Variants in ABR observed in about 807,000 individuals in gnomAD.
The protein encoded by ABR is active breakpoint cluster region-related protein.
ABR carries 35 observed loss-of-function variants against 107.2 expected under a neutral mutation model. The observed-to-expected ratio is 0.33, with a 90% CI of 0.25 to 0.43. The LOEUF is 0.43. ABR is among the 20% of genes least tolerant of loss of function. The probability of loss-of-function intolerance (pLI) is 1.00; values close to 1 mark genes in which losing one functional copy is unlikely to be tolerated. For synonymous variants in ABR, 498 were observed against 462.0 expected (o/e 1.08, Z -1.00); for missense variants, 815 against 1,115.2 (o/e 0.73, Z 3.83).
At chr17:1,012,039 T>C in intron 18 of ABR, 54 bp from the exon 19 acceptor site, 1 of 1,606,206 alleles carries the variant, frequency 6.2e-7, no homozygotes. Context: ...AGCTCTCCCG[T>C]AGCAACCCCC....
chr17:1,128,545 G>T (rs578152318), intron 1 of ABR, among the ~76,000 whole-genome samples: 174 of 152,360 alleles, frequency 1.1e-3, no homozygotes, highest in African/African-American at 4.1e-3. Flanking sequence ...GATATGTGTG[G>T]AACTTGCAGG....
At chr17:1,012,875 C>T in intron 17 of ABR, 78 bp from the exon 18 acceptor site, 1 of 1,256,296 alleles carries the variant, frequency 8.0e-7, no homozygotes. Context: ...CAGGGGTCCC[C>T]TCCCCAAGAC....
Position 1,007,224 on chromosome 17 carries a change from C to G in ABR, c.2431G>C (p.Glu811Gln). The G allele has an allele frequency of 6.2e-7, 1 of 1,614,110 alleles. No individual in the cohort carries two copies. Among genetic ancestry groups the G allele is most frequent in the Middle Eastern group, 1.7e-4 (1 of 6,058 alleles). The change falls in exon 22 of 23, where the codon GAG becomes CAG. Residue 811 changes from glutamate to glutamine, a missense_variant. Physicochemically the swap from Glu to Gln is conservative, Grantham distance 29. Coordinates refer to ENST00000302538, the MANE Select transcript of ABR (RefSeq NM_021962.5). ...GCCGAGGTGAGGTGTGCTTTGCTCTCCACTTCTGAGGGTCTCAGTAACGTG... is the reference window on the plus strand; with the variant it reads ...GCCGAGGTGAGGTGTGCTTTGCTCTGCACTTCTGAGGGTCTCAGTAACGTG... ...GPTLLRPSEVESKAHLTSAAD... is the reference protein window; with the variant it reads ...GPTLLRPSEVQSKAHLTSAAD...
intron 10 of ABR, among the ~76,000 whole-genome samples, chr17:1,061,388 T>G (rs1466679509): frequency 6.6e-6 from 1 of 152,192 alleles, no homozygotes; most frequent in East Asian, 1.9e-4. Flanking sequence ...GTACCACCAG[T>G]TGGACCCTCT....
intron 2 of ABR, among the ~76,000 whole-genome samples, chr17:1,106,292 G>A (rs2038240385): frequency 2.0e-5 from 3 of 152,122 alleles, no homozygotes; most frequent in Admixed American, 6.6e-5. Context: ...GCTGCTTAAG[G>A]TAAGTACCCC....
At chr17:1,074,291 C>A (rs1223116606) in intron 6 of ABR, among the ~76,000 whole-genome samples, 3 of 150,160 alleles carry the variant, frequency 2.0e-5, no homozygotes, top group African/African-American at 7.4e-5. Context: ...CAGAATCACA[C>A]AGCTCCACCC....
chr17:1,006,175 G>C lies in ABR; in HGVS notation c.2491-6C>G. ...TAGTAGAGGAGGACCTGGACCTGTGGGGAGACAGGAAGGCGGAGGCTGGGC... is the reference window on the plus strand; with the variant it reads ...TAGTAGAGGAGGACCTGGACCTGTGCGGAGACAGGAAGGCGGAGGCTGGGC... On this transcript the variant is annotated splice_region_variant and splice_polypyrimidine_tract_variant and intron_variant, in intron 22 of 22. Transcript: ENST00000302538. The C allele has an allele frequency of 6.4e-7, 1 of 1,570,982 alleles. No homozygotes were observed.
At position 1,013,451 on chromosome 17, in the gene ABR, A is replaced by G. The variant is rs57054095; in HGVS notation, c.1792-287T>C. On this transcript the variant is annotated intron_variant, in intron 16 of 22. Transcript: ENST00000302538. ...GGAGGCAGGGCACACTCTGTTACCC[A>G]CCGTGGGGGAGGCAGGGCACACCCT... is the stretch of plus-strand genomic sequence containing the variant. 6.6e-3 allele frequency among the ~76,000 whole-genome samples: 965 copies of G among 145,400 alleles called. 12 individuals carry two copies. Among genetic ancestry groups the G allele is most frequent in the African/African-American group, 0.023 (845 of 36,148 alleles).
At chr17:1,108,403 G>A (rs2038402598) in intron 2 of ABR, among the ~76,000 whole-genome samples, 1 of 152,254 alleles carries the variant, frequency 6.6e-6, no homozygotes, top group Admixed American at 6.5e-5. Flanking sequence ...CTCCCTGCCT[G>A]TCCCGCCTCG....
intron 1 of ABR, among the ~76,000 whole-genome samples, chr17:1,152,452 G>A (rs749240047): frequency 7.9e-5 from 12 of 151,960 alleles, no homozygotes; most frequent in Admixed American, 3.3e-4. Flanking sequence ...TTAGCCGGGC[G>A]TGGTGGTGCG....
rs560839995 is a variant in ABR, at chr17:1,206,810, C to T, written c.838+21983G>A. 3.9e-5 allele frequency among the ~76,000 whole-genome samples: 6 copies of T among 152,160 alleles called. No individual in the cohort carries two copies. In the South Asian group the frequency reaches 6.2e-4, roughly 16 times the overall value. ...AAAAACATACAAAAATTAGGCTGGGCGCGGTGGCTCATGCTTGTCATCCCA... is the reference window on the plus strand; with the variant it reads ...AAAAACATACAAAAATTAGGCTGGGTGCGGTGGCTCATGCTTGTCATCCCA... On this transcript the variant is annotated intron_variant, in intron 1 of 22. Transcript: ENST00000574139.
chr17:1,107,651 G>A (rs1171223752), intron 2 of ABR, among the ~76,000 whole-genome samples: 1 of 152,180 alleles, frequency 6.6e-6, no homozygotes, highest in Non-Finnish European at 1.5e-5. Context: ...CCTGGCTCAG[G>A]AGCAGACTTT....
Position 1,070,821 on chromosome 17 carries a change from A to T in ABR, c.895-731T>A, listed in dbSNP as rs930389590. On this transcript the variant is annotated intron_variant, in intron 8 of 22. Coordinates refer to ENST00000302538, the MANE Select transcript of ABR (RefSeq NM_021962.5). The surrounding 1 kb of genome is among the most constrained non-coding windows in gnomAD (Gnocchi z 4.2). ...CCTTTCCTGTATGATACACGGTGTG[A>T]CCTACATCTGCTGTAATACGTAGGT... Among the ~76,000 whole-genome samples, 3 of 152,138 alleles carry T rather than the reference A, an allele frequency of 2.0e-5. No homozygotes were observed. The highest frequency in any genetic ancestry group is 6.5e-5 in the Admixed American group (1 of 15,278).
Position 1,210,574 on chromosome 17 carries a change from A to G in ABR, c.838+18219T>C, listed in dbSNP as rs1157444102. Among the ~76,000 whole-genome samples the G allele has an allele frequency of 6.6e-6, 1 of 151,204 alleles. No individual in the cohort carries two copies. The highest frequency in any genetic ancestry group is 1.5e-5 in the Non-Finnish European group (1 of 67,906). On this transcript the variant is annotated intron_variant, in intron 1 of 22. Coordinates refer to the ABR transcript ENST00000574139. The surrounding 1 kb of genome is among the most constrained non-coding windows in gnomAD (Gnocchi z 5.6). ...TTGTCTGCACTATCGTCCAGGTGTC[A>G]CTCAGCTTCTCTGCACTATCGTCCA...
At chr17:1,016,728 C>T (rs541032287) in intron 16 of ABR, among the ~76,000 whole-genome samples, 7 of 152,056 alleles carry the variant, frequency 4.6e-5, no homozygotes, top group Admixed American at 4.6e-4. Context: ...GACAGGATGG[C>T]GAGATGCTGG....
intron 14 of ABR, 94 bp downstream of exon 14, chr17:1,055,941 A>G (rs2033220248): frequency 2.5e-6 from 3 of 1,220,854 alleles, no homozygotes; most frequent in South Asian, 2.5e-5. Context: ...GGAATGCCCC[A>G]TGTCTAAAGG....
intron 6 of ABR, chr17:1,079,064 G>A: frequency 7.3e-6 from 5 of 680,652 alleles, no homozygotes; most frequent in East Asian, 1.1e-4. Flanking sequence ...GGGAGGAGGG[G>A]TAGGGAGGGA....
chr17:1,163,063 C>G (rs1433456081), intron 1 of ABR, among the ~76,000 whole-genome samples: 1 of 152,180 alleles, frequency 6.6e-6, no homozygotes, highest in Non-Finnish European at 1.5e-5. Context: ...CAGAGCGAGA[C>G]TCAATCTCAA....
chr17:1,099,115 G>A (rs1372320886), intron 3 of ABR, among the ~76,000 whole-genome samples: 6 of 149,068 alleles, frequency 4.0e-5, no homozygotes, highest in East Asian at 2.0e-4. Context: ...CACTTCCGTC[G>A]TCCAGTCTGG....
Sources: allele counts gnomAD v4.1 joint callset (sites outside exome capture counted in the v4.1 genomes callset), GRCh38; gene constraint gnomAD v4.1.1; non-coding constraint Gnocchi (gnomAD v3.1); transcripts MANE v1.5; gene names NCBI Gene and HGNC (gene_info 2026-07-23, HGNC 2026-07-21).